Variants in STIL observed in about 807,000 individuals in gnomAD.
STIL encodes the protein SCL-interrupting locus protein.
A neutral mutation model predicts 110.1 loss-of-function variants in STIL; 55 were observed. The observed-to-expected ratio is 0.50, with a 90% CI of 0.40 to 0.63. The LOEUF is 0.63. Among genes scored for constraint, STIL ranks in the 20% least tolerant of loss-of-function variants. STIL has a pLI of 0.00. For missense variants in STIL, 1,358 were observed against 1,530.0 expected, an observed-to-expected ratio of 0.89 and a Z score of 1.87; for synonymous variants, 481 against 530.0, an observed-to-expected ratio of 0.91 and a Z score of 1.27.
chr1:47,308,251 G>A (rs1334781347), intron 2 of STIL, among the ~76,000 whole-genome samples: 1 of 152,166 alleles, frequency 6.6e-6, no homozygotes, highest in Non-Finnish European at 1.5e-5. Context: ...TCCTACCAAC[G>A]TGTGATGTCT....
At position 47,260,298 on chromosome 1, in the gene STIL, T is replaced by A; in HGVS notation, c.3071A>T (p.Asp1024Val). The A allele has an allele frequency of 6.2e-7, 1 of 1,613,608 alleles. No homozygotes were observed. Among genetic ancestry groups the A allele is most frequent in the Non-Finnish European group, 8.5e-7 (1 of 1,179,888 alleles). ...TKVKKNAHNV[D>V]HASVLACISP... ...AAATTTTAAAAGTTACCTGGCGTGA[T>A]CCACGTTATGTGCATTTTTCTTCAC... The change falls in exon 16 of 17, where the codon GAT (aspartate) becomes GTT (valine). Residue 1024 changes from aspartate to valine, a missense_variant. By Grantham distance (152) the Asp-to-Val change is radical. Transcript: ENST00000371877.
chr1:47,302,293 G>A lies in STIL; in HGVS notation c.206C>T (p.Ala69Val), dbSNP rs1459327065. Residue 69 changes from alanine to valine, a missense_variant, in exon 4 of 17, where the codon GCT becomes GTT. Coordinates refer to ENST00000371877, the MANE Select transcript of STIL (RefSeq NM_001048166.1). The part of the protein sequence containing the change: ...EKTIRLAYRH[A>V]KQNKKNSSCF... ...TGACGAATTTTTTTTATTCTGCTTA[G>A]CATGACGATAAGCAAGTCGGATGGT... The A allele has an allele frequency of 1.2e-6, 2 of 1,614,060 alleles. No homozygotes were observed. The highest frequency in any genetic ancestry group is 2.2e-5 in the South Asian group (2 of 91,080).
chr1:47,292,449 A>T (rs1645522519), intron 8 of STIL, among the ~76,000 whole-genome samples: 1 of 152,198 alleles, frequency 6.6e-6, no homozygotes, highest in African/African-American at 2.4e-5. Flanking sequence ...GCACACAAAG[A>T]TGTATGCATA....
rs777711384 is a variant in STIL, at chr1:47,280,680, G to A, written c.1778C>T (p.Pro593Leu). Residue 593 changes from proline (P) to leucine (L), a missense_variant, in exon 12 of 17, where the codon CCA (proline) becomes CTA (leucine). Coordinates refer to ENST00000371877, the MANE Select transcript of STIL (RefSeq NM_001048166.1). ...GTTTGTGGAACAGTAAGATGGCAGT[G>A]GGGGAGTAGGTATCTGAAGTTCCAT... ...RPMELQIPTP[P>L]LPSYCSTNVC... The A allele has an allele frequency of 3.1e-6, 5 of 1,614,108 alleles. No individual in the cohort carries two copies. The Admixed American group carries it at 5.0e-5, about 16-fold the overall frequency.
intron 2 of STIL, among the ~76,000 whole-genome samples, chr1:47,307,460 T>TGC (rs1254962081): frequency 5.3e-5 from 8 of 152,204 alleles, no homozygotes; most frequent in Non-Finnish European, 1.0e-4. Flanking sequence ...CTGCAATCTC[T>TGC]AAACATAAAT....
chr1:47,258,009 TG>T (rs1644372992), intron 16 of STIL, among the ~76,000 whole-genome samples: 1 of 152,242 alleles, frequency 6.6e-6, no homozygotes, highest in Non-Finnish European at 1.5e-5. Flanking sequence ...TTAAAATTTT[TG>T]TATCATTTTA....
At chr1:47,286,323 C>T (rs77081605) in intron 10 of STIL, among the ~76,000 whole-genome samples, 14,935 of 151,920 alleles carry the variant, frequency 0.098, 2,417 homozygotes, top group African/African-American at 0.34. Context: ...ATTCCAACTT[C>T]AATGGCTTTT....
chr1:47,310,333 T>C lies in STIL; in HGVS notation c.-14A>G, dbSNP rs767774800. 7.4e-6 allele frequency: 12 copies of C among 1,612,064 alleles called. No individual in the cohort carries two copies. The highest frequency in any genetic ancestry group is 2.7e-5 in the African/African-American group (2 of 74,906). On this transcript the variant is annotated 5_prime_UTR_variant, in exon 2 of 17. Coordinates refer to ENST00000371877, the MANE Select transcript of STIL (RefSeq NM_001048166.1). ...TATAGGCTCCATGATGTCTGGTGAA[T>C]GATTTCTTTAATTCCAAATCCTCAG...
At chr1:47,312,112 G>A (rs1646143009) in intron 1 of STIL, among the ~76,000 whole-genome samples, 1 of 152,096 alleles carries the variant, frequency 6.6e-6, no homozygotes, top group Non-Finnish European at 1.5e-5. Context: ...ATTTAGAAGA[G>A]ACTTTTTAGA....
chr1:47,285,020 C>CTTTTTT (rs35801422), intron 10 of STIL, among the ~76,000 whole-genome samples: 2 of 134,718 alleles, frequency 1.5e-5, no homozygotes, highest in African/African-American at 2.8e-5. Context: ...CATTTTTTGT[C>CTTTTTT]TTTTTTTTTT....
At chr1:47,307,597 A>G (rs1645998501) in intron 2 of STIL, among the ~76,000 whole-genome samples, 1 of 152,164 alleles carries the variant, frequency 6.6e-6, no homozygotes, top group African/African-American at 2.4e-5. Context: ...GGACCCTGTA[A>G]TAATTGCGTT....
chr1:47,304,089 A>G (rs1645883467), intron 3 of STIL, among the ~76,000 whole-genome samples: 1 of 152,094 alleles, frequency 6.6e-6, no homozygotes. Flanking sequence ...CTGAGGTTGC[A>G]TAAATAAGTA....
intron 6 of STIL, among the ~76,000 whole-genome samples, chr1:47,298,588 T>C (rs1299842139): frequency 6.6e-6 from 1 of 151,936 alleles, no homozygotes; most frequent in African/African-American, 2.4e-5. Flanking sequence ...AAATGAATTC[T>C]CTAGCCTCCC....
In STIL at chr1:47,251,465, T is replaced by TA. The variant is rs768349718; in HGVS notation, c.3537dup (p.Asn1180Ter). 1 of 1,614,250 alleles carries TA rather than the reference T, an allele frequency of 6.2e-7. No individual in the cohort carries two copies. Among genetic ancestry groups the TA allele is most frequent in the Non-Finnish European group, 8.5e-7 (1 of 1,180,046 alleles). ...CCCACAGATTCACAGTTAGAACAAT[T>TA]AATTATTTCATGGTCATTCTTAGAA... On this transcript the variant is annotated frameshift_variant, in exon 17 of 17. Coordinates refer to ENST00000371877, the MANE Select transcript of STIL (RefSeq NM_001048166.1). LOFTEE classifies it low-confidence loss of function (END_TRUNC).
intron 2 of STIL, among the ~76,000 whole-genome samples, chr1:47,309,399 T>TAGGATTA (rs1476550599): frequency 6.6e-6 from 1 of 152,058 alleles, no homozygotes; most frequent in Non-Finnish European, 1.5e-5. Context: ...CCCAAAGTGC[T>TAGGATTA]AGGATTACAG....
In STIL at chr1:47,295,794, G is replaced by C. The variant is rs1401072972; in HGVS notation, c.756C>G (p.Pro252=). The C allele has an allele frequency of 6.2e-7, 1 of 1,612,548 alleles. No individual in the cohort carries two copies. Among genetic ancestry groups the C allele is most frequent in the Non-Finnish European group, 8.5e-7 (1 of 1,179,078 alleles). ...CCACCAATGGTAGAGAATAAACCTT[G>C]GGATCAGATTCCAACAAAAGTAACA... is the stretch of plus-strand genomic sequence containing the variant. ...RKLLLLLESD[P]KVYSLPLVGI... The change falls in exon 7 of 17, where the codon CCC becomes CCG. Residue 252 remains proline (P), a synonymous_variant. Coordinates refer to ENST00000371877, the MANE Select transcript of STIL (RefSeq NM_001048166.1).
chr1:47,291,009 G>T (rs926030157), intron 8 of STIL, among the ~76,000 whole-genome samples: 2 of 152,148 alleles, frequency 1.3e-5, no homozygotes, highest in African/African-American at 4.8e-5. Flanking sequence ...CAGTGCCCCA[G>T]ACAGCCACAA....
intron 15 of STIL, among the ~76,000 whole-genome samples, chr1:47,261,044 T>G (rs1644469217): frequency 6.6e-6 from 1 of 152,180 alleles, no homozygotes; most frequent in African/African-American, 2.4e-5. Flanking sequence ...ATGAACAATT[T>G]CATCAGACCC....
chr1:47,306,707 T>G (rs1473475666), intron 2 of STIL, among the ~76,000 whole-genome samples: 1 of 152,246 alleles, frequency 6.6e-6, no homozygotes, highest in Non-Finnish European at 1.5e-5. Flanking sequence ...GTTTAATTAT[T>G]GAAGCGTCAA....
Sources: gnomAD v4.1 joint callset for allele counts (sites outside exome capture counted in the v4.1 genomes callset) on GRCh38, gnomAD v4.1.1 for gene constraint, MANE v1.5 for transcripts, NCBI Gene and HGNC (gene_info 2026-07-23, HGNC 2026-07-21) for gene names.